Variants in HCRTR1 observed in about 807,000 individuals in gnomAD.
HCRTR1 encodes hypocretin receptor 1.
A neutral mutation model predicts 40.6 loss-of-function variants in HCRTR1; 28 were observed. The ratio of observed to expected loss-of-function variants is 0.69; its 90% CI spans 0.51 to 0.95. The LOEUF is 0.95. HCRTR1 is among the 40% of genes least tolerant of loss of function. The pLI is 0.00. For missense variants in HCRTR1, 482 were observed against 564.7 expected (o/e 0.85, Z 1.48); for synonymous variants, 209 against 230.0 (o/e 0.91, Z 0.83).
chr1:31,620,891 G>T lies in HCRTR1; in HGVS notation c.427G>T (p.Asp143Tyr). The change falls in exon 5 of 9, where the codon GAC becomes TAC. Residue 143 changes from aspartate to tyrosine, a missense_variant. Physicochemically the swap from Asp to Tyr is radical, Grantham distance 160. Coordinates refer to ENST00000403528, the MANE Select transcript of HCRTR1 (RefSeq NM_001525.3). ...AVLTLSFIALDRWYAICHPLL... is the reference protein window; with the variant it reads ...AVLTLSFIALYRWYAICHPLL... ...GCTAACTCTCAGCTTCATCGCCCTG[G>T]ACCGCTGGTATGCCATCTGCCACCC... is the stretch of plus-strand genomic sequence containing the variant. 6.2e-7 allele frequency: 1 copy of T among 1,614,142 alleles called. No individual in the cohort carries two copies.
chr1:31,632,665 A>G (rs1455135398), downstream of HCRTR1: 1 of 1,610,084 alleles, frequency 6.2e-7, no homozygotes, highest in Non-Finnish European at 8.5e-7. Flanking sequence ...AAAGGAGGGG[A>G]GGAAGGCTTC....
chr1:31,630,537 G>T, downstream of HCRTR1: 1 of 1,351,920 alleles, frequency 7.4e-7, no homozygotes, highest in Non-Finnish European at 1.0e-6. Context: ...GAAAAGAAGA[G>T]ATGTCCACAT....
downstream of HCRTR1, chr1:31,633,299 T>A: frequency 6.2e-7 from 1 of 1,612,200 alleles, no homozygotes. Flanking sequence ...AGGATCCACA[T>A]TGGGAGGGGC....
At chr1:31,621,114 C>A (rs749730670) in intron 5 of HCRTR1, 28 bp downstream of exon 5, 1 of 1,589,090 alleles carries the variant, frequency 6.3e-7, no homozygotes, top group Admixed American at 1.7e-5. Context: ...AAGCAGGCAT[C>A]CCCTCAGGTG....
downstream of HCRTR1, chr1:31,630,925 G>A: frequency 8.4e-7 from 1 of 1,184,068 alleles, no homozygotes. Flanking sequence ...GATCACAACA[G>A]TTCAAGGAAC....
chr1:31,622,501 C>T (rs1557577953), intron 6 of HCRTR1, among the ~76,000 whole-genome samples: 1 of 152,098 alleles, frequency 6.6e-6, no homozygotes, highest in South Asian at 2.1e-4. Context: ...TCCACCAACA[C>T]TCATCATCTG....
At chr1:31,618,348 C>T (rs559475156) in intron 1 of HCRTR1, among the ~76,000 whole-genome samples, 5 of 152,092 alleles carry the variant, frequency 3.3e-5, no homozygotes, top group African/African-American at 1.2e-4. Flanking sequence ...GCCCTGGGGA[C>T]CCAAAGGGGC....
At chr1:31,621,433 G>A (rs1222450157) in intron 5 of HCRTR1, 44 bp from the exon 6 acceptor site, 2 of 1,421,210 alleles carry the variant, frequency 1.4e-6, no homozygotes, top group Non-Finnish European at 2.0e-6. Flanking sequence ...GGCAGGGTGG[G>A]GCTCACGGAT....
At chr1:31,628,952 C>A (rs532897142), downstream of HCRTR1, among the ~76,000 whole-genome samples, 2 of 152,178 alleles carry the variant, frequency 1.3e-5, no homozygotes, top group Non-Finnish European at 2.9e-5. Context: ...AAAACCACAG[C>A]AAATGGTGGT....
chr1:31,633,642 G>A (rs987020862), downstream of HCRTR1, among the ~76,000 whole-genome samples: 2 of 152,158 alleles, frequency 1.3e-5, no homozygotes, highest in African/African-American at 4.8e-5. Flanking sequence ...CTGCGAGATG[G>A]GGGAATGGGT....
chr1:31,619,443 G>A, intron 3 of HCRTR1, 52 bp downstream of exon 3: 1 of 1,612,678 alleles, frequency 6.2e-7, no homozygotes, highest in Non-Finnish European at 8.5e-7. Context: ...GGGGATTGAA[G>A]GGGGTTGTGT....
downstream of HCRTR1, among the ~76,000 whole-genome samples, chr1:31,631,288 T>C (rs1640096258): frequency 6.6e-6 from 1 of 152,198 alleles, no homozygotes; most frequent in South Asian, 2.1e-4. Flanking sequence ...CCCTATCTTA[T>C]CATCTCTAAA....
In HCRTR1 at chr1:31,627,421, G is replaced by A. The variant is rs1012474808; in HGVS notation, c.*441G>A. 2.5e-6 allele frequency: 3 copies of A among 1,179,866 alleles called. No individual in the cohort carries two copies. Among genetic ancestry groups the A allele is most frequent in the Admixed American group, 2.3e-5 (1 of 43,440 alleles). 73.1% of individuals were successfully genotyped at this position (1,179,866 alleles called of 1,614,324 possible). A position where few individuals can be genotyped will look rare whatever the true frequency, so the allele number is the denominator to read the frequency against. On this transcript the variant is annotated 3_prime_UTR_variant, in exon 9 of 9. Coordinates refer to ENST00000403528, the MANE Select transcript of HCRTR1 (RefSeq NM_001525.3). Reference sequence around the variant, plus strand: ...GCTGCACTTGGCCAGCTGTTCTGATGCCTGTGTGAACTAATCTGGGCCCAG... The same window carrying A: ...GCTGCACTTGGCCAGCTGTTCTGATACCTGTGTGAACTAATCTGGGCCCAG...
rs1639975979 is a variant in HCRTR1, at chr1:31,626,381, A to G, written c.1088-409A>G. ...AGGCTGAGGCGCCCAGCACAGCGTG[A>G]CTGCCAAATGCAAAAGGGCTGCTGC... On this transcript the variant is annotated intron_variant, in intron 8 of 8. Transcript: ENST00000403528. The surrounding 1 kb of genome is among the most constrained non-coding windows in gnomAD (Gnocchi z 4.6). Among the ~76,000 whole-genome samples the G allele has an allele frequency of 6.6e-6, 1 of 152,186 alleles. No homozygotes were observed. Among genetic ancestry groups the G allele is most frequent in the South Asian group, 2.1e-4 (1 of 4,832 alleles).
Position 31,617,725 on chromosome 1 carries a change from C to G in HCRTR1, c.-360C>G, listed in dbSNP as rs1338844806. 1.3e-5 allele frequency: 2 copies of G among 152,036 alleles called. No homozygotes were observed. The highest frequency in any genetic ancestry group is 1.3e-4 in the Admixed American group (2 of 15,276). The allele number at this position is 152,036 out of a possible 1,614,324, so 9.4% of individuals were successfully genotyped here. ...AGTTGCCGCGGATCGTGCTGAGCCCCGCGAGCCGAGGCAGCGCAGCCTAGG... is the reference window on the plus strand; with the variant it reads ...AGTTGCCGCGGATCGTGCTGAGCCCGGCGAGCCGAGGCAGCGCAGCCTAGG... On this transcript the variant is annotated 5_prime_UTR_variant, in exon 1 of 9. Transcript: ENST00000403528.
chr1:31,632,605 T>C (rs773134257), downstream of HCRTR1: 1 of 1,614,096 alleles, frequency 6.2e-7, no homozygotes, highest in South Asian at 1.1e-5. Context: ...GCCGTAGACA[T>C]CGATGCGGCC....
intron 4 of HCRTR1, among the ~76,000 whole-genome samples, chr1:31,619,989 C>G (rs1364519495): frequency 6.6e-6 from 1 of 152,222 alleles, no homozygotes; most frequent in Non-Finnish European, 1.5e-5. Context: ...TCCAGGTACA[C>G]AGGCACACAG....
At position 31,618,807 on chromosome 1, in the gene HCRTR1, GTCC is replaced by G. The variant is rs1211589934; in HGVS notation, c.-150_-148del. ...TCGGAGCTCATTACTCCTCATCGTGGTCCTGTAAGGTATGTAGGGCTGTCACCC... is the reference window on the plus strand; with the variant it reads ...TCGGAGCTCATTACTCCTCATCGTGGTGTAAGGTATGTAGGGCTGTCACCC... On this transcript the variant is annotated 5_prime_UTR_variant, in exon 2 of 9. Transcript: ENST00000403528. The G allele has an allele frequency of 4.2e-6, 1 of 236,404 alleles. No individual in the cohort carries two copies. The allele number at this position is 236,404 out of a possible 1,614,324, so 14.6% of individuals were successfully genotyped here. A position where few individuals can be genotyped will look rare whatever the true frequency, so the allele number is the denominator to read the frequency against.
At position 31,626,916 on chromosome 1, in the gene HCRTR1, G is replaced by C. The variant is rs201726958; in HGVS notation, c.1214G>C (p.Arg405Pro). 7.4e-6 allele frequency: 12 copies of C among 1,613,908 alleles called. No homozygotes were observed. In the Admixed American group the frequency reaches 1.0e-4, roughly 13 times the overall value. ...ASHKSLSLQS[R>P]CSISKISEHV... ...CACAAGTCCTTGTCCTTGCAGAGCC[G>C]ATGCTCCATCTCCAAAATCTCTGAG... is the stretch of plus-strand genomic sequence containing the variant. The change falls in exon 9 of 9, where the codon CGA becomes CCA. Residue 405 changes from arginine (R) to proline (P), a missense_variant. Physicochemically the swap from Arg to Pro is moderately radical, Grantham distance 103. Coordinates refer to ENST00000403528, the MANE Select transcript of HCRTR1 (RefSeq NM_001525.3). This position sits in a 1 kb window ranked among gnomAD's most constrained non-coding sequence, Gnocchi z 4.6.
Sources: gnomAD v4.1 joint callset for allele counts (sites outside exome capture counted in the v4.1 genomes callset) on GRCh38, gnomAD v4.1.1 for gene constraint, Gnocchi (gnomAD v3.1) non-coding constraint, MANE v1.5 for transcripts, NCBI Gene and HGNC (gene_info 2026-07-23, HGNC 2026-07-21) for gene names.